KCNJ3: variants seen among roughly 807,000 people sequenced by gnomAD.
KCNJ3 encodes the protein potassium inwardly rectifying channel subfamily J member 3, also known as G protein-activated inward rectifier potassium channel 1.
In KCNJ3, 4 loss-of-function variants were observed where a neutral mutation model predicts 39.2. The ratio of observed to expected loss-of-function variants is 0.10; its 90% CI spans 0.05 to 0.23. KCNJ3 has a LOEUF of 0.23. Ranked by LOEUF, KCNJ3 falls within the 10% of genes least tolerant of loss-of-function variation. KCNJ3 has a pLI of 1.00. For missense variants in KCNJ3, 276 were observed against 634.9 expected (o/e 0.43, Z 6.08); for synonymous variants, 230 against 237.4 (o/e 0.97, Z 0.29).
chr2:154,829,828 G>T (rs1687333116), intron 2 of KCNJ3, among the ~76,000 whole-genome samples: 2 of 152,092 alleles, frequency 1.3e-5, no homozygotes, highest in African/African-American at 2.4e-5. Context: ...TAGCCATTCT[G>T]ATTGGTGTGA....
At chr2:154,812,855 A>G (rs1687026290) in intron 2 of KCNJ3, among the ~76,000 whole-genome samples, 1 of 152,182 alleles carries the variant, frequency 6.6e-6, no homozygotes, top group African/African-American at 2.4e-5. Context: ...AGCCGGAAAA[A>G]GGGCAGTAAA....
At chr2:154,848,273 T>C (rs1180609653) in intron 2 of KCNJ3, among the ~76,000 whole-genome samples, 2 of 152,170 alleles carry the variant, frequency 1.3e-5, no homozygotes, top group Non-Finnish European at 1.5e-5. Context: ...TTATTCTCTG[T>C]TACTTGAAGT....
rs148288900 is a variant in KCNJ3, at chr2:154,800,381, A to G, written c.920-54346A>G. On this transcript the variant is annotated intron_variant, in intron 2 of 2. Transcript: ENST00000295101. ...AAAGGTAATAGGTTTTCAATTTTGG[A>G]CAGTCCTAGGTAAATTCTCATTAAG... 3.1e-3 allele frequency among the ~76,000 whole-genome samples: 477 copies of G among 152,274 alleles called. 4 individuals are homozygous for G. The highest frequency in any genetic ancestry group is 0.011 in the African/African-American group (462 of 41,554).
In KCNJ3 at chr2:154,726,971, C is replaced by T. The variant is rs182794816; in HGVS notation, c.919+17152C>T. Among the ~76,000 whole-genome samples, 404 of 151,808 alleles carry T rather than the reference C, an allele frequency of 2.7e-3. 8 individuals carry two copies. Among genetic ancestry groups the T allele is most frequent in the African/African-American group, 9.3e-3 (385 of 41,404 alleles). ...CTTATTGGGAGCTAAGCTATGAGGA[C>T]GCAAAGGCATAAGAATGATCAGTGG... On this transcript the variant is annotated intron_variant, in intron 2 of 2. Coordinates refer to ENST00000295101, the MANE Select transcript of KCNJ3 (RefSeq NM_002239.4).
At chr2:154,819,404 CT>C (rs796759258) in intron 2 of KCNJ3, among the ~76,000 whole-genome samples, 22 of 152,100 alleles carry the variant, frequency 1.4e-4, no homozygotes, top group African/African-American at 5.3e-4. Flanking sequence ...GCTTAATTTT[CT>C]TTTTTCTGTT....
At chr2:154,742,959 G>C (rs2105176082) in intron 2 of KCNJ3, among the ~76,000 whole-genome samples, 1 of 151,922 alleles carries the variant, frequency 6.6e-6, no homozygotes, top group South Asian at 2.1e-4. Flanking sequence ...AATGTTGTAA[G>C]CTATTGCCAT....
intron 2 of KCNJ3, among the ~76,000 whole-genome samples, chr2:154,810,985 T>C (rs951830646): frequency 6.6e-6 from 1 of 152,250 alleles, no homozygotes; most frequent in Non-Finnish European, 1.5e-5. Context: ...ACTGTTGGAA[T>C]GTCTCTTGCA....
intron 2 of KCNJ3, among the ~76,000 whole-genome samples, chr2:154,836,017 C>A (rs1189441487): frequency 1.3e-5 from 2 of 151,984 alleles, no homozygotes; most frequent in Admixed American, 1.3e-4. Context: ...TTGAGACCAG[C>A]CTGGCCAACA....
intron 2 of KCNJ3, among the ~76,000 whole-genome samples, chr2:154,821,635 A>ATTTTT (rs71422263): frequency 0.15 from 13,122 of 87,928 alleles, 1,991 homozygotes; most frequent in East Asian, 0.25. Flanking sequence ...AGAATATGTG[A>ATTTTT]TTTTTTTTTT....
At position 154,799,127 on chromosome 2, in the gene KCNJ3, TTTTG is replaced by T. The variant is rs770081881; in HGVS notation, c.920-55588_920-55585del. Among the ~76,000 whole-genome samples, 14 of 152,204 alleles carry T rather than the reference TTTTG, an allele frequency of 9.2e-5. No homozygotes were observed. In the East Asian group the frequency reaches 2.7e-3, roughly 29 times the overall value. On this transcript the variant is annotated intron_variant, in intron 2 of 2. Coordinates refer to ENST00000295101, the MANE Select transcript of KCNJ3 (RefSeq NM_002239.4). Reference sequence around the variant, plus strand: ...GTCAAAAGAAAAGAAACAGTAAGTTTTTTGTTTGTTTGTTTTTTGTTTTTAACAG... The same window carrying T: ...GTCAAAAGAAAAGAAACAGTAAGTTTTTTGTTTGTTTTTTGTTTTTAACAG...
At chr2:154,749,809 G>C (rs1161337834) in intron 2 of KCNJ3, among the ~76,000 whole-genome samples, 1 of 151,698 alleles carries the variant, frequency 6.6e-6, no homozygotes, top group Admixed American at 6.6e-5. Flanking sequence ...AGCCATGGAA[G>C]TCAAGTTTTC....
At chr2:154,794,619 A>T (rs1686688941) in intron 2 of KCNJ3, among the ~76,000 whole-genome samples, 1 of 152,032 alleles carries the variant, frequency 6.6e-6, no homozygotes, top group South Asian at 2.1e-4. Context: ...TCCCCAGCAA[A>T]GAAGATTAAC....
intron 2 of KCNJ3, among the ~76,000 whole-genome samples, chr2:154,744,641 TAGA>T: frequency 6.6e-6 from 1 of 151,984 alleles, no homozygotes; most frequent in Non-Finnish European, 1.5e-5. Context: ...TGTTAACGTT[TAGA>T]TGTCTGCATT....
chr2:154,843,884 T>TAACA (rs992855271), intron 2 of KCNJ3, among the ~76,000 whole-genome samples: 19 of 152,194 alleles, frequency 1.2e-4, no homozygotes, highest in African/African-American at 4.6e-4. Flanking sequence ...CTATGGGTTC[T>TAACA]AACATCCTCC....
intron 2 of KCNJ3, among the ~76,000 whole-genome samples, chr2:154,809,375 C>T (rs906183654): frequency 6.6e-6 from 1 of 152,064 alleles, no homozygotes; most frequent in Admixed American, 6.6e-5. Context: ...CTGAGAAGAG[C>T]AGTGAATGAT....
At chr2:154,832,886 C>T (rs529341447) in intron 2 of KCNJ3, among the ~76,000 whole-genome samples, 1 of 152,216 alleles carries the variant, frequency 6.6e-6, no homozygotes, top group South Asian at 2.1e-4. Context: ...GGAATAGGTA[C>T]AACAAAACAG....
chr2:154,708,419 AT>A (rs1279314715), intron 1 of KCNJ3, among the ~76,000 whole-genome samples: 1 of 152,178 alleles, frequency 6.6e-6, no homozygotes, highest in Non-Finnish European at 1.5e-5. Flanking sequence ...GAGAGTAAGA[AT>A]TTTGTCTTCA....
chr2:154,710,982 A>G (rs1215259638), intron 2 of KCNJ3, among the ~76,000 whole-genome samples: 1 of 152,138 alleles, frequency 6.6e-6, no homozygotes, highest in Non-Finnish European at 1.5e-5. Context: ...AGTGAGGATG[A>G]TATAATAACC....
chr2:154,723,155 C>T (rs932137779), intron 2 of KCNJ3, among the ~76,000 whole-genome samples: 2 of 152,082 alleles, frequency 1.3e-5, no homozygotes, highest in East Asian at 1.9e-4. Context: ...TGTGGTGGCA[C>T]GTGCCTGTGA....
Sources: allele counts gnomAD v4.1 joint callset (sites outside exome capture counted in the v4.1 genomes callset), GRCh38; gene constraint gnomAD v4.1.1; transcripts MANE v1.5; gene names NCBI Gene and HGNC (gene_info 2026-07-23, HGNC 2026-07-21).